REDIC1: variants seen among roughly 807,000 people sequenced by gnomAD.
The protein encoded by REDIC1 is HEI10 Interacting Protein 1.
the REDIC1 span, among the ~76,000 whole-genome samples, chr12:39,752,711 C>G: frequency 1.3e-5 from 2 of 152,082 alleles, no homozygotes; most frequent in Non-Finnish European, 2.9e-5. Flanking sequence ...ACAAGCATAC[C>G]AGGCAGAGAC....
the REDIC1 span, among the ~76,000 whole-genome samples, chr12:39,746,735 A>C: frequency 6.6e-6 from 1 of 152,340 alleles, no homozygotes; most frequent in East Asian, 1.9e-4. Context: ...AAGCTTCCAG[A>C]GGAATGATCA....
the REDIC1 span, among the ~76,000 whole-genome samples, chr12:39,859,120 A>T: frequency 6.6e-6 from 1 of 152,142 alleles, no homozygotes; most frequent in Non-Finnish European, 1.5e-5. Flanking sequence ...CAGTGTCACC[A>T]CCATCTACAG....
At chr12:39,720,697 T>C in the REDIC1 span, 1 of 1,002,470 alleles carries the variant, frequency 1.0e-6, no homozygotes, top group Non-Finnish European at 1.5e-6. Context: ...TTTCTATAGT[T>C]GGGATTTTAA....
At chr12:39,717,071 T>C in the REDIC1 span, among the ~76,000 whole-genome samples, 1 of 151,556 alleles carries the variant, frequency 6.6e-6, no homozygotes, top group Non-Finnish European at 1.5e-5. Context: ...AATGCATTTA[T>C]TGCCATTTAC....
At chr12:39,751,563 A>T in the REDIC1 span, among the ~76,000 whole-genome samples, 1 of 152,254 alleles carries the variant, frequency 6.6e-6, no homozygotes, top group Non-Finnish European at 1.5e-5. Flanking sequence ...TATATACCCA[A>T]AGAATTATAA....
At chr12:39,812,996 A>ATTTTTTTTTTTTTTTTTTTTTTT in the REDIC1 span, among the ~76,000 whole-genome samples, 4 of 40,616 alleles carry the variant, frequency 9.8e-5, 2 homozygotes, top group African/African-American at 1.8e-4. Context: ...TGCCCAGCTA[A>ATTTTTTTTTTTTTTTTTTTTTTT]TTTTTTTTTT....
the REDIC1 span, among the ~76,000 whole-genome samples, chr12:39,715,636 A>C: frequency 6.6e-6 from 1 of 152,028 alleles, no homozygotes; most frequent in African/African-American, 2.4e-5. Flanking sequence ...CTAAGCAAAG[A>C]TAACAAATCT....
At chr12:39,713,497 CATACAT>C in the REDIC1 span, among the ~76,000 whole-genome samples, 1 of 149,396 alleles carries the variant, frequency 6.7e-6, no homozygotes, top group African/African-American at 2.5e-5. Flanking sequence ...CATTTGTACA[CATACAT>C]ATGTATACAT....
the REDIC1 span, among the ~76,000 whole-genome samples, chr12:39,661,819 A>G: frequency 1.3e-5 from 2 of 151,844 alleles, no homozygotes; most frequent in Non-Finnish European, 2.9e-5. Flanking sequence ...TTTTGAGTTG[A>G]TTTTTGTATA....
the REDIC1 span, among the ~76,000 whole-genome samples, chr12:39,866,789 T>C: frequency 1.3e-5 from 2 of 152,186 alleles, no homozygotes; most frequent in Non-Finnish European, 2.9e-5. Context: ...GAAAGATGTT[T>C]TAATGCTATA....
the REDIC1 span, among the ~76,000 whole-genome samples, chr12:39,884,456 T>C: frequency 1.3e-5 from 2 of 152,182 alleles, no homozygotes; most frequent in Non-Finnish European, 2.9e-5. Flanking sequence ...CAGTAATAAA[T>C]TACAAGCCTA....
the REDIC1 span, among the ~76,000 whole-genome samples, chr12:39,712,232 CTATATG>C: frequency 1.5e-5 from 2 of 132,266 alleles, no homozygotes; most frequent in Admixed American, 7.6e-5. Flanking sequence ...GTATATATAC[CTATATG>C]TATATGTACA....
At chr12:39,695,431 G>T in the REDIC1 span, among the ~76,000 whole-genome samples, 21 of 152,120 alleles carry the variant, frequency 1.4e-4, no homozygotes, top group Non-Finnish European at 2.8e-4. Flanking sequence ...AAGAACCCTT[G>T]GGTCTTAAGG....
the REDIC1 span, among the ~76,000 whole-genome samples, chr12:39,762,185 G>A: frequency 6.6e-6 from 1 of 152,024 alleles, no homozygotes; most frequent in African/African-American, 2.4e-5. Flanking sequence ...GGGCAGACCT[G>A]GGAGGCTGTG....
the REDIC1 span, among the ~76,000 whole-genome samples, chr12:39,728,475 C>T: frequency 1.3e-5 from 2 of 152,248 alleles, no homozygotes; most frequent in South Asian, 4.1e-4. Flanking sequence ...TTAAACCAGC[C>T]TTGCATCTCA....
At chr12:39,717,835 C>T in the REDIC1 span, among the ~76,000 whole-genome samples, 1 of 152,026 alleles carries the variant, frequency 6.6e-6, no homozygotes, top group African/African-American at 2.4e-5. Context: ...TCTTTTATGT[C>T]TTCTTGCTTG....
chr12:39,710,584 CAT>C, the REDIC1 span, among the ~76,000 whole-genome samples: 2 of 151,802 alleles, frequency 1.3e-5, no homozygotes, highest in Admixed American at 1.3e-4. Context: ...CCCTCTATCC[CAT>C]ATGTTAGTTT....
the REDIC1 span, among the ~76,000 whole-genome samples, chr12:39,686,430 C>G: frequency 6.6e-6 from 1 of 152,204 alleles, no homozygotes; most frequent in African/African-American, 2.4e-5. Flanking sequence ...TCTGAAGCAG[C>G]AGACTGAGCT....
At chr12:39,794,908 C>G in the REDIC1 span, among the ~76,000 whole-genome samples, 1 of 152,120 alleles carries the variant, frequency 6.6e-6, no homozygotes, top group Admixed American at 6.6e-5. Context: ...TCTAATTGCT[C>G]TTGCCTTGAA....
Sources: allele counts gnomAD v4.1 joint callset (sites outside exome capture counted in the v4.1 genomes callset), GRCh38; gene constraint gnomAD v4.1.1; transcripts MANE v1.5; gene names NCBI Gene and HGNC (gene_info 2026-07-23, HGNC 2026-07-21).